RAPGEF1: variants seen among roughly 807,000 people sequenced by gnomAD.
RAPGEF1 encodes the protein CRK SH3-binding GNRP.
A neutral mutation model predicts 143.3 loss-of-function variants in RAPGEF1; 33 were observed. That is an observed-to-expected ratio of 0.23 (90% CI 0.17 to 0.31). RAPGEF1 has a LOEUF of 0.31. Among genes scored for constraint, RAPGEF1 ranks in the 10% least tolerant of loss-of-function variants. The pLI is 1.00. For synonymous variants in RAPGEF1, 629 were observed against 676.5 expected (o/e 0.93, Z 1.09); for missense variants, 1,199 against 1,645.4 (o/e 0.73, Z 4.69).
intron 5 of RAPGEF1, among the ~76,000 whole-genome samples, chr9:131,631,994 G>C (rs1364602524): frequency 6.6e-6 from 1 of 152,230 alleles, no homozygotes; most frequent in Middle Eastern, 3.2e-3. Context: ...TTTTGCACCA[G>C]GTGCAGTGGC....
intron 1 of RAPGEF1, among the ~76,000 whole-genome samples, chr9:131,730,799 G>A (rs1271783771): frequency 6.6e-6 from 1 of 151,848 alleles, no homozygotes; most frequent in Non-Finnish European, 1.5e-5. Flanking sequence ...CTGAGGCTCA[G>A]GAGATTAAGC....
At chr9:131,728,842 T>A (rs1564209793) in intron 1 of RAPGEF1, among the ~76,000 whole-genome samples, 1 of 152,220 alleles carries the variant, frequency 6.6e-6, no homozygotes, top group Admixed American at 6.5e-5. Context: ...TTCTTATGTG[T>A]CCAGACTCTG....
rs1830556552 is a variant in RAPGEF1 at position 131,667,067 on chromosome 9, G to A, written c.62-16118C>T. 6.6e-6 allele frequency among the ~76,000 whole-genome samples: 1 copy of A among 152,080 alleles called. No homozygotes were observed. The highest frequency in any genetic ancestry group is 2.1e-4 in the South Asian group (1 of 4,822). On this transcript the variant is annotated intron_variant, in intron 1 of 26. Coordinates refer to ENST00000683357, the MANE Select transcript of RAPGEF1 (RefSeq NM_001377935.1). This position sits in a 1 kb window ranked among gnomAD's most constrained non-coding sequence, Gnocchi z 4.6. ...TGCAGTGGCACGAACTCGGCTCACT[G>A]CCATCTCCATCTCACGGGTTCAAGT...
intron 5 of RAPGEF1, among the ~76,000 whole-genome samples, chr9:131,636,519 T>C (rs1486726792): frequency 6.6e-6 from 1 of 152,210 alleles, no homozygotes; most frequent in Non-Finnish European, 1.5e-5. Flanking sequence ...AATGACTCCA[T>C]AGAGGAAATG....
chr9:131,678,922 T>G (rs1832677398), intron 1 of RAPGEF1, among the ~76,000 whole-genome samples: 1 of 152,130 alleles, frequency 6.6e-6, no homozygotes, highest in South Asian at 2.1e-4. Context: ...GTTTGACCAT[T>G]TCCCCCTGCT....
chr9:131,626,839 G>A (rs1018488102), intron 9 of RAPGEF1, among the ~76,000 whole-genome samples: 2 of 152,152 alleles, frequency 1.3e-5, no homozygotes, highest in Non-Finnish European at 2.9e-5. Flanking sequence ...GGTGGCTCAC[G>A]CCTGTAATCC....
chr9:131,617,818 C>T (rs1250690212), intron 12 of RAPGEF1, among the ~76,000 whole-genome samples: 1 of 152,246 alleles, frequency 6.6e-6, no homozygotes, highest in East Asian at 1.9e-4. Context: ...GAGAATTGCA[C>T]TGCCCAAGGC....
chr9:131,729,176 T>A (rs890189633), intron 1 of RAPGEF1, among the ~76,000 whole-genome samples: 3 of 152,190 alleles, frequency 2.0e-5, no homozygotes, highest in African/African-American at 4.8e-5. Flanking sequence ...CAGCTCAGGC[T>A]CATGCTGCCT....
intron 1 of RAPGEF1, among the ~76,000 whole-genome samples, chr9:131,656,001 CATTATATTTCTTG>C (rs1245443964): frequency 6.6e-6 from 1 of 152,144 alleles, no homozygotes; most frequent in Non-Finnish European, 1.5e-5. Flanking sequence ...AGTGAGATAA[CATTATATTTCTTG>C]AGATGGCTGA....
intron 1 of RAPGEF1, among the ~76,000 whole-genome samples, chr9:131,659,545 C>T (rs978907865): frequency 2.6e-5 from 4 of 152,068 alleles, no homozygotes; most frequent in South Asian, 2.1e-4. Context: ...AACTTCAGCT[C>T]GGCCACTAAC....
At chr9:131,637,803 C>G (rs977141125) in intron 5 of RAPGEF1, among the ~76,000 whole-genome samples, 1 of 152,194 alleles carries the variant, frequency 6.6e-6, no homozygotes, top group Non-Finnish European at 1.5e-5. Flanking sequence ...TATTATTATA[C>G]CTATTTCATA....
intron 10 of RAPGEF1, among the ~76,000 whole-genome samples, chr9:131,625,238 G>C (rs1347562644): frequency 6.6e-6 from 1 of 152,240 alleles, no homozygotes; most frequent in Non-Finnish European, 1.5e-5. Context: ...CGGGGACAGA[G>C]GGGGCCAGGC....
intron 1 of RAPGEF1, among the ~76,000 whole-genome samples, chr9:131,711,203 A>T (rs1280233177): frequency 6.6e-6 from 1 of 150,852 alleles, no homozygotes; most frequent in Non-Finnish European, 1.5e-5. Flanking sequence ...GGTGCATGCC[A>T]CCTCGCCTGG....
chr9:131,660,392 A>G (rs1182285136), intron 1 of RAPGEF1, among the ~76,000 whole-genome samples: 1 of 152,108 alleles, frequency 6.6e-6, no homozygotes, highest in Admixed American at 6.6e-5. Context: ...TATAACGTAG[A>G]CGGTAAACAT....
In RAPGEF1 at chr9:131,629,246, T is replaced by C. The variant is rs771992780; in HGVS notation, c.749A>G (p.Glu250Gly). ...SPASKPDGPA[E>G]LPLTDREVEI... is the part of the protein sequence containing the mutation. ...TACCTCGCGGTCTGTCAGGGGGAGC[T>C]CTGCTGGGCTGGAGAATTGGGAAGA... Residue 250 changes from glutamate to glycine, a missense_variant, in exon 7 of 27, where the codon GAG becomes GGG. By Grantham distance (98) the Glu-to-Gly change is moderately conservative (BLOSUM62 -2). Coordinates refer to ENST00000683357, the MANE Select transcript of RAPGEF1 (RefSeq NM_001377935.1). 6.2e-7 allele frequency: 1 copy of C among 1,613,250 alleles called. No individual in the cohort carries two copies. The highest frequency in any genetic ancestry group is 8.5e-7 in the Non-Finnish European group (1 of 1,179,510).
At chr9:131,704,963 A>G (rs1834939360) in intron 1 of RAPGEF1, among the ~76,000 whole-genome samples, 1 of 152,232 alleles carries the variant, frequency 6.6e-6, no homozygotes, top group East Asian at 1.9e-4. Flanking sequence ...AATATTTGCA[A>G]CTGAACAATC....
At chr9:131,657,159 A>G (rs1038485703) in intron 1 of RAPGEF1, among the ~76,000 whole-genome samples, 1 of 152,024 alleles carries the variant, frequency 6.6e-6, no homozygotes, top group Non-Finnish European at 1.5e-5. Context: ...GCTTTGCGAT[A>G]GCAGGGTGGG....
At chr9:131,715,176 G>A (rs1210618467) in intron 1 of RAPGEF1, among the ~76,000 whole-genome samples, 1 of 152,204 alleles carries the variant, frequency 6.6e-6, no homozygotes, top group East Asian at 1.9e-4. Flanking sequence ...AGGGGCCTCA[G>A]AGATTTACTC....
At chr9:131,607,672 C>T (rs1957328586) in intron 12 of RAPGEF1, among the ~76,000 whole-genome samples, 1 of 152,166 alleles carries the variant, frequency 6.6e-6, no homozygotes, top group Non-Finnish European at 1.5e-5. Context: ...GCCAGATGTT[C>T]ATTCCCAATG....
Sources: allele counts gnomAD v4.1 joint callset (sites outside exome capture counted in the v4.1 genomes callset), GRCh38; gene constraint gnomAD v4.1.1; non-coding constraint Gnocchi (gnomAD v3.1); transcripts MANE v1.5; gene names NCBI Gene and HGNC (gene_info 2026-07-23, HGNC 2026-07-21).